Variants in SORBS2 observed in about 807,000 individuals in gnomAD.
The protein encoded by SORBS2 is sorbin and SH3 domain containing 2, also known as sorbin and SH3 domain-containing protein 2.
A neutral mutation model predicts 97.7 loss-of-function variants in SORBS2; 46 were observed. The ratio of observed to expected loss-of-function variants is 0.47; its 90% CI spans 0.37 to 0.60. The LOEUF (loss-of-function observed/expected upper bound fraction) is 0.60, where lower values mean the gene tolerates loss of function less well. Among genes scored for constraint, SORBS2 ranks in the 20% least tolerant of loss-of-function variants. SORBS2 has a pLI of 0.00. For synonymous variants in SORBS2, 476 were observed against 473.4 expected (o/e 1.01, Z -0.07); for missense variants, 1,316 against 1,282.3 (o/e 1.03, Z -0.40).
At chr4:185,863,851 A>G (rs2149717864) in intron 1 of SORBS2, among the ~76,000 whole-genome samples, 1 of 152,224 alleles carries the variant, frequency 6.6e-6, no homozygotes, top group South Asian at 2.1e-4. Context: ...TTTTCTCCCC[A>G]TTTTAGTGTT....
In SORBS2 at chr4:185,607,820, G is replaced by T. The variant is rs977614254; in HGVS notation, c.2796+3960C>A. Among the ~76,000 whole-genome samples the T allele has an allele frequency of 1.3e-5, 2 of 151,760 alleles. No homozygotes were observed. The highest frequency in any genetic ancestry group is 2.9e-5 in the Non-Finnish European group (2 of 67,976). ...AACGATTTTCCTGCTTCATCCTCCC[G>T]AGTAGCTGGGACTACAGGCGCATGT... On this transcript the variant is annotated intron_variant, in intron 12 of 14. Transcript: ENST00000418609. The surrounding 1 kb of genome is among the most constrained non-coding windows in gnomAD (Gnocchi z 5.2).
chr4:185,831,355 C>A (rs572379524), intron 1 of SORBS2, among the ~76,000 whole-genome samples: 1 of 152,328 alleles, frequency 6.6e-6, no homozygotes, highest in East Asian at 1.9e-4. Flanking sequence ...ATTCCATGCC[C>A]AGACGAGGCA....
At chr4:185,751,190 A>AAAAAAAAAAAAG in intron 2 of SORBS2, among the ~76,000 whole-genome samples, 7 of 86,492 alleles carry the variant, frequency 8.1e-5, no homozygotes, top group South Asian at 4.7e-4. Context: ...AAAAAAAAAA[A>AAAAAAAAAAAAG]AGAGAAAGAG....
chr4:185,822,875 G>C (rs1489765239), intron 1 of SORBS2, among the ~76,000 whole-genome samples: 15 of 152,060 alleles, frequency 9.9e-5, no homozygotes, highest in Non-Finnish European at 1.0e-4. Flanking sequence ...TTCCAATTAT[G>C]GCATTAAAGA....
At chr4:185,744,234 T>C (rs2098746551) in intron 2 of SORBS2, among the ~76,000 whole-genome samples, 1 of 152,178 alleles carries the variant, frequency 6.6e-6, no homozygotes, top group African/African-American at 2.4e-5. Context: ...AATTACACAA[T>C]GATTACATGT....
At chr4:185,647,958 A>G (rs1000775952) in intron 3 of SORBS2, among the ~76,000 whole-genome samples, 8 of 152,232 alleles carry the variant, frequency 5.3e-5, no homozygotes, top group African/African-American at 1.4e-4. Context: ...TTTTGATGAC[A>G]AAGATAACAA....
chr4:185,825,436 G>T (rs533683916), intron 1 of SORBS2, among the ~76,000 whole-genome samples: 1 of 152,294 alleles, frequency 6.6e-6, no homozygotes, highest in African/African-American at 2.4e-5. Context: ...AGAATCACCT[G>T]ATTTTAATAC....
At chr4:185,919,688 C>T (rs1337038953) in intron 1 of SORBS2, among the ~76,000 whole-genome samples, 1 of 152,242 alleles carries the variant, frequency 6.6e-6, no homozygotes, top group Non-Finnish European at 1.5e-5. Context: ...AATTAACCCA[C>T]TTCACCAGGA....
At chr4:185,686,732 A>G (rs1400355050) in intron 2 of SORBS2, among the ~76,000 whole-genome samples, 1 of 152,256 alleles carries the variant, frequency 6.6e-6, no homozygotes, top group Admixed American at 6.5e-5. Flanking sequence ...ACATCTCACA[A>G]GCACATAGGT....
intron 4 of SORBS2, among the ~76,000 whole-genome samples, chr4:185,632,597 A>G (rs1164978931): frequency 6.6e-6 from 1 of 152,248 alleles, no homozygotes; most frequent in Admixed American, 6.5e-5. Context: ...GCCTGAGAGC[A>G]TCGGCGTCTG....
At chr4:185,661,865 T>G (rs1328270120), upstream of SORBS2, among the ~76,000 whole-genome samples, 1 of 152,126 alleles carries the variant, frequency 6.6e-6, no homozygotes, top group Non-Finnish European at 1.5e-5. Context: ...TTCTTTCTAC[T>G]CCACCACCTC....
rs2603725 is a variant in SORBS2, at chr4:185,873,154, C to A, written c.-338+83042G>T. Among the ~76,000 whole-genome samples the A allele has an allele frequency of 3.8e-3, 577 of 152,344 alleles. 5 individuals are homozygous for A. The highest frequency in any genetic ancestry group is 0.013 in the African/African-American group (551 of 41,574). ...CTCACCCAGATGAAGACTTACAGAG[C>A]AGCCCAGCTACTCCTCCCCATATAG... On this transcript the variant is annotated intron_variant, in intron 1 of 20. Transcript: ENST00000284776.
rs2096415835 is a variant in SORBS2 at position 185,606,267 on chromosome 4, CAGTA to C, written c.2796+5509_2796+5512del. ...AGTTTTTAGAATAGTGTCTGATACT[CAGTA>C]AGAGCTCCACTATTAGCTATCATTG... On this transcript the variant is annotated intron_variant, in intron 12 of 14. Coordinates refer to ENST00000418609, the Ensembl canonical transcript of SORBS2. The surrounding 1 kb of genome is among the most constrained non-coding windows in gnomAD (Gnocchi z 4.3). 2 of 984,426 alleles carry C rather than the reference CAGTA, an allele frequency of 2.0e-6. No homozygotes were observed. Among genetic ancestry groups the C allele is most frequent in the African/African-American group, 3.5e-5 (2 of 57,196 alleles). 61.0% of individuals were successfully genotyped at this position (984,426 alleles called of 1,614,324 possible). A position where few individuals can be genotyped will look rare whatever the true frequency, so the allele number is the denominator to read the frequency against.
intron 1 of SORBS2, among the ~76,000 whole-genome samples, chr4:185,949,850 C>T (rs768242059): frequency 6.6e-6 from 1 of 152,096 alleles, no homozygotes; most frequent in East Asian, 1.9e-4. Context: ...TTTCATCATG[C>T]GAAACTCAAG....
intron 1 of SORBS2, among the ~76,000 whole-genome samples, chr4:185,934,613 C>A (rs900139515): frequency 1.3e-5 from 2 of 151,456 alleles, no homozygotes; most frequent in East Asian, 1.9e-4. Context: ...ATACAAAAAA[C>A]AACAACAACA....
chr4:185,585,917 C>CG (rs2095796355), exon 15 of SORBS2: 1 of 152,260 alleles, frequency 6.6e-6, no homozygotes, highest in Admixed American at 6.5e-5. Flanking sequence ...TTGGCTTCTA[C>CG]GATCTTTTAA....
intron 1 of SORBS2, among the ~76,000 whole-genome samples, chr4:185,952,676 T>C (rs1424876619): frequency 6.6e-6 from 1 of 152,198 alleles, no homozygotes; most frequent in Non-Finnish European, 1.5e-5. Context: ...GAGATCAAAG[T>C]CCATCATGTA....
chr4:185,670,818 C>T (rs2097701995), intron 4 of SORBS2, among the ~76,000 whole-genome samples: 2 of 152,134 alleles, frequency 1.3e-5, no homozygotes, highest in Non-Finnish European at 2.9e-5. Flanking sequence ...GCCGGATCAT[C>T]ATTTTGCTGG....
intron 2 of SORBS2, among the ~76,000 whole-genome samples, chr4:185,730,916 T>C (rs1056960112): frequency 6.6e-6 from 1 of 152,190 alleles, no homozygotes; most frequent in Non-Finnish European, 1.5e-5. Flanking sequence ...CAAATTGCAT[T>C]GTTACTGATG....
Sources: gnomAD v4.1 joint callset for allele counts (sites outside exome capture counted in the v4.1 genomes callset) on GRCh38, gnomAD v4.1.1 for gene constraint, Gnocchi (gnomAD v3.1) non-coding constraint, MANE v1.5 for transcripts, NCBI Gene and HGNC (gene_info 2026-07-23, HGNC 2026-07-21) for gene names.